GPATCH2L: variants seen among roughly 807,000 people sequenced by gnomAD.
GPATCH2L encodes G-patch domain containing 2 like.
A neutral mutation model predicts 57.4 loss-of-function variants in GPATCH2L; 31 were observed. The observed-to-expected ratio is 0.54, with a 90% CI of 0.41 to 0.73. The LOEUF (loss-of-function observed/expected upper bound fraction) is 0.73, where lower values mean the gene tolerates loss of function less well. Ranked by LOEUF, GPATCH2L falls within the 30% of genes least tolerant of loss-of-function variation. The pLI is 0.00. For synonymous variants in GPATCH2L, 199 were observed against 210.7 expected, an observed-to-expected ratio of 0.94 and a Z score of 0.48; for missense variants, 481 against 599.9, an observed-to-expected ratio of 0.80 and a Z score of 2.07.
At chr14:76,158,450 A>G (rs1476216406) in intron 2 of GPATCH2L, among the ~76,000 whole-genome samples, 1 of 152,196 alleles carries the variant, frequency 6.6e-6, no homozygotes, top group African/African-American at 2.4e-5. Flanking sequence ...AACTCCCCCA[A>G]ACTCTTTAAT....
chr14:76,159,961 A>G (rs2038497380), intron 2 of GPATCH2L, among the ~76,000 whole-genome samples: 1 of 151,720 alleles, frequency 6.6e-6, no homozygotes. Flanking sequence ...TGAAACCCCG[A>G]CTCTACTAAA....
At chr14:76,160,333 C>T (rs76178106) in intron 2 of GPATCH2L, among the ~76,000 whole-genome samples, 3,064 of 152,244 alleles carry the variant, frequency 0.02, 63 homozygotes, top group South Asian at 0.077. Flanking sequence ...GCACTTCTAA[C>T]GTGGGCCTCC....
Position 76,171,984 on chromosome 14 carries a change from C to A in GPATCH2L, c.869C>A (p.Ser290Tyr), listed in dbSNP as rs185792899. The change falls in exon 4 of 10, where the codon TCC becomes TAC. Residue 290 changes from serine (S) to tyrosine (Y), a missense_variant. Coordinates refer to ENST00000261530, the MANE Select transcript of GPATCH2L (RefSeq NM_017926.4). ...MDSGLDKFSD[S>Y]TFLLPSRPAQ... is the part of the protein sequence containing the mutation. ...TCTGGATTGGATAAATTTTCAGATTCCACATTCCTTTTACCTTCTCGGCCA... is the reference window on the plus strand; with the variant it reads ...TCTGGATTGGATAAATTTTCAGATTACACATTCCTTTTACCTTCTCGGCCA... 1 of 1,612,436 alleles carries A rather than the reference C, an allele frequency of 6.2e-7. No homozygotes were observed. Among genetic ancestry groups the A allele is most frequent in the Non-Finnish European group, 8.5e-7 (1 of 1,179,150 alleles).
At chr14:76,234,266 A>G (rs559802242) in intron 2 of GPATCH2L, among the ~76,000 whole-genome samples, 1 of 152,224 alleles carries the variant, frequency 6.6e-6, no homozygotes, top group African/African-American at 2.4e-5. Context: ...GCTTTCCTCT[A>G]AGACATGGCT....
intron 9 of GPATCH2L, among the ~76,000 whole-genome samples, chr14:76,198,103 A>G (rs929636818): frequency 6.8e-4 from 3 of 4,420 alleles, no homozygotes; most frequent in Admixed American, 0.016. Flanking sequence ...GTAAATGACC[A>G]TAGGTTGTTA....
At chr14:76,218,544 C>G (rs1363128703), downstream of GPATCH2L, among the ~76,000 whole-genome samples, 2 of 151,888 alleles carry the variant, frequency 1.3e-5, no homozygotes, top group Non-Finnish European at 2.9e-5. Flanking sequence ...GGAAGATACA[C>G]CACGTTCTCT....
At chr14:76,155,116 A>C in intron 2 of GPATCH2L, 91 bp downstream of exon 2, 1 of 999,972 alleles carries the variant, frequency 1.0e-6, no homozygotes, top group South Asian at 1.7e-5. Context: ...CCTTCTTTCA[A>C]ACCAGCCACT....
chr14:76,227,522 C>T (rs2040541278), intron 1 of GPATCH2L, among the ~76,000 whole-genome samples: 1 of 152,284 alleles, frequency 6.6e-6, no homozygotes, highest in South Asian at 2.1e-4. Flanking sequence ...CAGGGGTGTG[C>T]AGCAACACTG....
intron 1 of GPATCH2L, among the ~76,000 whole-genome samples, chr14:76,226,995 G>A (rs1159411123): frequency 6.6e-6 from 1 of 152,114 alleles, no homozygotes; most frequent in Non-Finnish European, 1.5e-5. Flanking sequence ...GAGTGTAAGG[G>A]GATGTCTGAG....
chr14:76,164,229 C>G (rs968035578), intron 2 of GPATCH2L, among the ~76,000 whole-genome samples: 1 of 152,146 alleles, frequency 6.6e-6, no homozygotes. Context: ...CTCTCCCAGC[C>G]CTCTGCTTTG....
rs1338012564 is a variant in GPATCH2L at position 76,214,156 on chromosome 14, A to T, written c.*12305A>T. 1 of 152,172 alleles carries T rather than the reference A, an allele frequency of 6.6e-6. No homozygotes were observed. Among genetic ancestry groups the T allele is most frequent in the African/African-American group, 2.4e-5 (1 of 41,440 alleles). The allele number at this position is 152,172 out of a possible 1,614,324, so 9.4% of individuals were successfully genotyped here. On this transcript the variant is annotated 3_prime_UTR_variant, in exon 10 of 10. Coordinates refer to ENST00000261530, the MANE Select transcript of GPATCH2L (RefSeq NM_017926.4). ...ATTGGTATTTTATTGATATTATATGATATTAACTGATTTAGAGAGAACTAA... is the reference window on the plus strand; with the variant it reads ...ATTGGTATTTTATTGATATTATATGTTATTAACTGATTTAGAGAGAACTAA...
intron 2 of GPATCH2L, 102 bp from the exon 3 acceptor site, chr14:76,166,561 G>C (rs2038848355): frequency 1.5e-6 from 1 of 686,612 alleles, no homozygotes; most frequent in Non-Finnish European, 2.7e-6. Flanking sequence ...TTGACTAACA[G>C]GTTGGAGTGA....
At chr14:76,174,522 G>T (rs2039234768) in intron 5 of GPATCH2L, 1 of 152,160 alleles carries the variant, frequency 6.6e-6, no homozygotes, top group African/African-American at 2.4e-5. Context: ...CTGTTTTATA[G>T]TCTGACCAGG....
At chr14:76,191,546 A>AG (rs1161786184) in intron 8 of GPATCH2L, among the ~76,000 whole-genome samples, 1 of 152,078 alleles carries the variant, frequency 6.6e-6, no homozygotes, top group Non-Finnish European at 1.5e-5. Context: ...GCCACATGAC[A>AG]GCTTCCATTT....
At chr14:76,194,474 G>C (rs1383045456) in intron 8 of GPATCH2L, among the ~76,000 whole-genome samples, 2 of 96,836 alleles carry the variant, frequency 2.1e-5, no homozygotes, top group Non-Finnish European at 2.1e-5. Context: ...TTGCTATTTA[G>C]AGACATGAAA....
At chr14:76,195,232 A>G (rs2040110302) in intron 8 of GPATCH2L, among the ~76,000 whole-genome samples, 1 of 152,246 alleles carries the variant, frequency 6.6e-6, no homozygotes, top group African/African-American at 2.4e-5. Flanking sequence ...GAACTAAAAT[A>G]GCATACCACG....
chr14:76,195,813 A>G (rs1207859096), intron 8 of GPATCH2L, 65 bp from the exon 9 acceptor site: 4 of 1,182,026 alleles, frequency 3.4e-6, no homozygotes, highest in African/African-American at 3.0e-5. Context: ...AATCTGGGCT[A>G]CATGTAATGT....
At chr14:76,163,928 C>T (rs2038713230) in intron 2 of GPATCH2L, among the ~76,000 whole-genome samples, 2 of 152,108 alleles carry the variant, frequency 1.3e-5, no homozygotes, top group South Asian at 4.1e-4. Context: ...TATTTTTTTT[C>T]CCTGGCCAGA....
intron 8 of GPATCH2L, among the ~76,000 whole-genome samples, chr14:76,195,518 C>G (rs11622112): frequency 0.21 from 31,264 of 152,004 alleles, 3,556 homozygotes; most frequent in African/African-American, 0.3. Context: ...TTAAACTTTT[C>G]AATGTATTAC....
Sources: gnomAD v4.1 joint callset for allele counts (sites outside exome capture counted in the v4.1 genomes callset) on GRCh38, gnomAD v4.1.1 for gene constraint, MANE v1.5 for transcripts, NCBI Gene and HGNC (gene_info 2026-07-23, HGNC 2026-07-21) for gene names.